EPHA6: variants seen among roughly 807,000 people sequenced by gnomAD.
EPHA6 encodes EPH receptor A6.
A neutral mutation model predicts 112.0 loss-of-function variants in EPHA6; 50 were observed. The ratio of observed to expected loss-of-function variants is 0.45; its 90% CI spans 0.36 to 0.56. EPHA6 has a LOEUF of 0.56. Ranked by LOEUF, EPHA6 falls within the 20% of genes least tolerant of loss-of-function variation. The pLI is 0.00. For missense variants in EPHA6, 1,280 were observed against 1,417.4 expected (o/e 0.90, Z 1.56); for synonymous variants, 529 against 490.7 (o/e 1.08, Z -1.03).
chr3:96,960,550 T>TC (rs2041916746), intron 2 of EPHA6, among the ~76,000 whole-genome samples: 1 of 152,184 alleles, frequency 6.6e-6, no homozygotes, highest in Non-Finnish European at 1.5e-5. Context: ...TCAAATATAG[T>TC]CTACAAAGTA....
intron 1 of EPHA6, among the ~76,000 whole-genome samples, chr3:96,830,361 C>T (rs189631778): frequency 3.9e-5 from 6 of 151,982 alleles, no homozygotes; most frequent in Non-Finnish European, 8.8e-5. Context: ...TTTGACATAC[C>T]AGAAAAAAAG....
At chr3:97,606,755 G>A (rs1346731377) in intron 12 of EPHA6, among the ~76,000 whole-genome samples, 1 of 151,086 alleles carries the variant, frequency 6.6e-6, no homozygotes, top group Non-Finnish European at 1.5e-5. Flanking sequence ...GTGCCTTAGA[G>A]GCATAAGAAT....
chr3:97,336,916 C>A (rs2083083463), intron 5 of EPHA6, among the ~76,000 whole-genome samples: 1 of 151,340 alleles, frequency 6.6e-6, no homozygotes. Flanking sequence ...TTCTCCCTCC[C>A]AGATTATCTG....
At chr3:97,582,842 A>T (rs2093451393) in intron 11 of EPHA6, among the ~76,000 whole-genome samples, 1 of 152,096 alleles carries the variant, frequency 6.6e-6, no homozygotes, top group Admixed American at 6.5e-5. Flanking sequence ...GTATTAAAAC[A>T]TTTGTTCGTA....
chr3:97,065,537 A>T (rs576424127), intron 3 of EPHA6, among the ~76,000 whole-genome samples: 2 of 152,102 alleles, frequency 1.3e-5, no homozygotes, highest in African/African-American at 4.8e-5. Flanking sequence ...AACTCATTGC[A>T]TATCCATTGT....
intron 3 of EPHA6, among the ~76,000 whole-genome samples, chr3:96,991,451 C>G (rs2043212875): frequency 1.3e-5 from 2 of 152,082 alleles, no homozygotes; most frequent in African/African-American, 4.8e-5. Context: ...TGTGGCCTCT[C>G]ATCATTTAGT....
chr3:96,925,903 G>A (rs1251745904), intron 2 of EPHA6, among the ~76,000 whole-genome samples: 1 of 152,086 alleles, frequency 6.6e-6, no homozygotes, highest in Non-Finnish European at 1.5e-5. Context: ...ATCGTGCCCA[G>A]CCAATTTCTT....
intron 5 of EPHA6, among the ~76,000 whole-genome samples, chr3:97,266,160 G>A (rs566143715): frequency 6.6e-6 from 1 of 152,180 alleles, no homozygotes; most frequent in East Asian, 1.9e-4. Context: ...AGCATTTAAG[G>A]CTTTTAGACT....
At chr3:97,405,041 T>C (rs957776440) in intron 5 of EPHA6, 109 bp from the exon 6 acceptor site, 26 of 1,203,032 alleles carry the variant, frequency 2.2e-5, no homozygotes, top group Non-Finnish European at 3.0e-5. Context: ...CAATAAATGG[T>C]GTCCTCTTCA....
At chr3:97,367,202 ACAG>A (rs1484203877) in intron 5 of EPHA6, among the ~76,000 whole-genome samples, 6 of 152,242 alleles carry the variant, frequency 3.9e-5, no homozygotes, top group Non-Finnish European at 8.8e-5. Flanking sequence ...TACATACACT[ACAG>A]TAATACAGTA....
intron 6 of EPHA6, chr3:97,441,537 G>T: frequency 1.6e-6 from 1 of 641,414 alleles, no homozygotes; most frequent in Non-Finnish European, 1.9e-6. Flanking sequence ...AAGAAGAAAA[G>T]AAAAAGTTTC....
chr3:97,036,878 C>G lies in EPHA6; in HGVS notation c.1114+48885C>G, dbSNP rs547272452. 2.0e-5 allele frequency among the ~76,000 whole-genome samples: 3 copies of G among 152,056 alleles called. No homozygotes were observed. The East Asian group carries it at 5.8e-4, about 30-fold the overall frequency. On this transcript the variant is annotated intron_variant, in intron 3 of 17. Coordinates refer to ENST00000389672, the MANE Select transcript of EPHA6 (RefSeq NM_001080448.3). ...AGTGCTGATTGTTGGCTGCTGATAG[C>G]TCACAGCTGCTCCCTTCTCTAAAAG...
chr3:96,956,467 G>A (rs2041763918), intron 2 of EPHA6, among the ~76,000 whole-genome samples: 1 of 152,160 alleles, frequency 6.6e-6, no homozygotes, highest in African/African-American at 2.4e-5. Flanking sequence ...TTTGTGTGGA[G>A]AACTGATGGA....
chr3:96,985,329 T>C (rs1403983361), intron 2 of EPHA6, among the ~76,000 whole-genome samples: 1 of 152,168 alleles, frequency 6.6e-6, no homozygotes, highest in Non-Finnish European at 1.5e-5. Context: ...AAAATCATCA[T>C]TGGATGAGTA....
chr3:96,834,368 G>A (rs188084146), intron 1 of EPHA6, among the ~76,000 whole-genome samples: 84 of 152,074 alleles, frequency 5.5e-4, no homozygotes, highest in Non-Finnish European at 1.1e-3. Flanking sequence ...GTGTAACCTA[G>A]GTTTTCCTGT....
At chr3:97,355,280 A>G (rs553024214) in intron 5 of EPHA6, among the ~76,000 whole-genome samples, 19 of 152,322 alleles carry the variant, frequency 1.2e-4, no homozygotes, top group African/African-American at 3.8e-4. Context: ...TAAAAGATGA[A>G]CCCATCAAAT....
intron 13 of EPHA6, among the ~76,000 whole-genome samples, chr3:97,621,765 A>G (rs1270992747): frequency 6.6e-6 from 1 of 151,898 alleles, no homozygotes; most frequent in Non-Finnish European, 1.5e-5. Flanking sequence ...TGACAAATTC[A>G]GGAGAGGAAT....
chr3:97,664,774 G>A (rs2094194130), intron 14 of EPHA6, among the ~76,000 whole-genome samples: 1 of 152,088 alleles, frequency 6.6e-6, no homozygotes, highest in Admixed American at 6.6e-5. Flanking sequence ...GGGATGTGAA[G>A]GACCTCTTCA....
chr3:97,750,096 C>T lies in EPHA6; in HGVS notation c.*1395C>T, dbSNP rs2035859214. On this transcript the variant is annotated 3_prime_UTR_variant, in exon 18 of 18. Transcript: ENST00000389672. ...TTATGAACAAATTAAATTATAAAAT[C>T]AGCTGCTCCCTGTAAAACTAAAAAA... Among the ~76,000 whole-genome samples the T allele has an allele frequency of 6.6e-6, 1 of 152,038 alleles. No homozygotes were observed. The highest frequency in any genetic ancestry group is 2.1e-4 in the South Asian group (1 of 4,812).
Sources: allele counts gnomAD v4.1 joint callset (sites outside exome capture counted in the v4.1 genomes callset), GRCh38; gene constraint gnomAD v4.1.1; transcripts MANE v1.5; gene names NCBI Gene and HGNC (gene_info 2026-07-23, HGNC 2026-07-21).